Variants in FER observed in about 807,000 individuals in gnomAD.
FER encodes FER tyrosine kinase.
A neutral mutation model predicts 111.0 loss-of-function variants in FER; 63 were observed. The observed-to-expected ratio is 0.57, with a 90% confidence interval of 0.46 to 0.70. FER has a LOEUF of 0.70. Ranked by LOEUF, FER falls within the 30% of genes least tolerant of loss-of-function variation. The pLI is 0.00. For missense variants in FER, 914 were observed against 954.0 expected, an observed-to-expected ratio of 0.96 and a Z score of 0.55; for synonymous variants, 327 against 313.9, an observed-to-expected ratio of 1.04 and a Z score of -0.44.
intron 17 of FER, among the ~76,000 whole-genome samples, chr5:109,163,179 CTTA>C (rs1335113977): frequency 6.6e-6 from 1 of 152,002 alleles, no homozygotes; most frequent in African/African-American, 2.4e-5. Flanking sequence ...TTTTTTGTAA[CTTA>C]TAATGCTTTT....
chr5:108,921,077 A>C (rs144775547), intron 10 of FER, among the ~76,000 whole-genome samples: 1 of 152,256 alleles, frequency 6.6e-6, no homozygotes, highest in East Asian at 1.9e-4. Context: ...ATTTCAGGTC[A>C]AATGATACTT....
At chr5:109,147,717 A>G (rs1168177949) in intron 17 of FER, among the ~76,000 whole-genome samples, 1 of 151,528 alleles carries the variant, frequency 6.6e-6, no homozygotes, top group Non-Finnish European at 1.5e-5. Flanking sequence ...TTTGAAAAGT[A>G]TCAGTGCATA....
chr5:108,936,019 C>T (rs547113414), intron 10 of FER, among the ~76,000 whole-genome samples: 16 of 151,978 alleles, frequency 1.1e-4, no homozygotes, highest in Non-Finnish European at 1.5e-4. Flanking sequence ...TTATTCAAGG[C>T]AGTCAACATA....
intron 10 of FER, among the ~76,000 whole-genome samples, chr5:108,935,042 TTTTTC>T (rs1269396395): frequency 3.3e-5 from 5 of 152,202 alleles, no homozygotes; most frequent in African/African-American, 1.2e-4. Context: ...ATAGGGGTGA[TTTTTC>T]TTTTCTTAGA....
intron 13 of FER, among the ~76,000 whole-genome samples, chr5:108,983,558 A>T (rs1372138965): frequency 1.3e-5 from 2 of 152,236 alleles, no homozygotes; most frequent in East Asian, 1.9e-4. Context: ...TTTTGACATT[A>T]CAGTCATCCT....
At chr5:108,927,557 C>A (rs565312038) in intron 10 of FER, among the ~76,000 whole-genome samples, 1 of 151,872 alleles carries the variant, frequency 6.6e-6, no homozygotes, top group African/African-American at 2.4e-5. Context: ...TCGCGCCCGG[C>A]GAGAAGTGGC....
intron 2 of FER, among the ~76,000 whole-genome samples, chr5:108,772,380 A>AG (rs1164282269): frequency 1.3e-5 from 2 of 151,162 alleles, no homozygotes. Context: ...GGATTCAAGC[A>AG]GGTTTCATGT....
chr5:108,860,513 A>G (rs1763413468), intron 5 of FER, among the ~76,000 whole-genome samples: 1 of 152,258 alleles, frequency 6.6e-6, no homozygotes, highest in South Asian at 2.1e-4. Context: ...CTGACTTTTT[A>G]ACATTGTTCT....
At chr5:108,932,648 A>G (rs1754854642) in intron 10 of FER, among the ~76,000 whole-genome samples, 1 of 152,182 alleles carries the variant, frequency 6.6e-6, no homozygotes, top group Admixed American at 6.5e-5. Flanking sequence ...ACAGTGGAGA[A>G]ACGTGTTCCT....
intron 13 of FER, among the ~76,000 whole-genome samples, chr5:109,026,217 C>CAAGCT (rs1768711088): frequency 6.6e-6 from 1 of 152,038 alleles, no homozygotes; most frequent in Non-Finnish European, 1.5e-5. Flanking sequence ...ATAAATTATA[C>CAAGCT]ACATACAAGA....
At chr5:108,948,247 A>G (rs776728058) in intron 11 of FER, among the ~76,000 whole-genome samples, 3 of 152,106 alleles carry the variant, frequency 2.0e-5, no homozygotes, top group Non-Finnish European at 2.9e-5. Context: ...CTTTAAAGAC[A>G]GTCTAATGGA....
intron 13 of FER, among the ~76,000 whole-genome samples, chr5:108,993,045 A>G (rs1424418252): frequency 1.3e-5 from 2 of 148,300 alleles, no homozygotes; most frequent in Non-Finnish European, 3.0e-5. Flanking sequence ...GACGCTCCTC[A>G]CTTTCCAGAC....
chr5:109,005,707 A>T (rs775925919), intron 13 of FER, among the ~76,000 whole-genome samples: 5 of 152,210 alleles, frequency 3.3e-5, no homozygotes, highest in Admixed American at 6.5e-5. Flanking sequence ...TTGCACACCA[A>T]TGAAAGCATA....
intron 16 of FER, among the ~76,000 whole-genome samples, chr5:109,056,295 G>A (rs1189976246): frequency 5.3e-5 from 8 of 152,240 alleles, no homozygotes; most frequent in Admixed American, 6.5e-5. Flanking sequence ...TGTTACTCAC[G>A]ATAGCCAAGA....
chr5:108,929,800 A>G (rs936989958), intron 10 of FER, among the ~76,000 whole-genome samples: 11 of 152,200 alleles, frequency 7.2e-5, no homozygotes, highest in Non-Finnish European at 1.3e-4. Flanking sequence ...CAAAATACAG[A>G]TAGAAGTAAT....
chr5:108,845,003 T>TATAC (rs1561502560), intron 5 of FER, among the ~76,000 whole-genome samples: 9 of 14,104 alleles, frequency 6.4e-4, no homozygotes, highest in Non-Finnish European at 1.1e-3. Context: ...TGTGTATATA[T>TATAC]ATATATATAT....
intron 16 of FER, among the ~76,000 whole-genome samples, chr5:109,091,727 G>A (rs900385443): frequency 1.3e-5 from 2 of 152,006 alleles, no homozygotes; most frequent in Non-Finnish European, 2.9e-5. Context: ...ACCCCACCCT[G>A]GTGTGTCATG....
At chr5:108,767,062 A>C (rs1417708613) in intron 1 of FER, among the ~76,000 whole-genome samples, 4 of 152,132 alleles carry the variant, frequency 2.6e-5, no homozygotes, top group African/African-American at 7.2e-5. Context: ...GCATTTTGGG[A>C]GGCCGAGATG....
Position 109,006,551 on chromosome 5 carries a change from A to G in FER, c.1657-30871A>G, listed in dbSNP as rs137891457. Among the ~76,000 whole-genome samples the G allele has an allele frequency of 3.1e-3, 465 of 152,290 alleles. 2 individuals are homozygous for G. The highest frequency in any genetic ancestry group is 0.011 in the African/African-American group (438 of 41,572). On this transcript the variant is annotated intron_variant, in intron 13 of 19. Transcript: ENST00000281092. ...ACCCAGTCTTTGGTAAGTCTTTATTAGCAGTGTGAGAATAGAGTAATACAA... is the reference window on the plus strand; with the variant it reads ...ACCCAGTCTTTGGTAAGTCTTTATTGGCAGTGTGAGAATAGAGTAATACAA...
Sources: allele counts gnomAD v4.1 joint callset (sites outside exome capture counted in the v4.1 genomes callset), GRCh38; gene constraint gnomAD v4.1.1; transcripts MANE v1.5; gene names NCBI Gene and HGNC (gene_info 2026-07-23, HGNC 2026-07-21).